TMEM132B: variants seen among roughly 807,000 people sequenced by gnomAD.
The protein encoded by TMEM132B is transmembrane protein 132B.
In TMEM132B, 18 loss-of-function variants were observed where a neutral mutation model predicts 90.8. That is an observed-to-expected ratio of 0.20 (90% CI 0.14 to 0.29). The LOEUF (loss-of-function observed/expected upper bound fraction) is 0.29. TMEM132B is among the 10% of genes least tolerant of loss of function. TMEM132B has a pLI of 1.00. For synonymous variants in TMEM132B, 504 were observed against 523.3 expected, an observed-to-expected ratio of 0.96 and a Z score of 0.50; for missense variants, 1,096 against 1,326.8, an observed-to-expected ratio of 0.83 and a Z score of 2.70.
At chr12:125,250,716 A>C (rs749182353) in intron 1 of TMEM132B, among the ~76,000 whole-genome samples, 1 of 152,092 alleles carries the variant, frequency 6.6e-6, no homozygotes, top group Non-Finnish European at 1.5e-5. Context: ...CAGAAGACCC[A>C]GTGGACTGAG....
intron 2 of TMEM132B, among the ~76,000 whole-genome samples, chr12:125,382,305 G>A (rs975396896): frequency 2.0e-5 from 3 of 152,182 alleles, no homozygotes; most frequent in Admixed American, 6.5e-5. Context: ...AGTCATAGTA[G>A]CATCTCCATT....
Position 125,591,801 on chromosome 12 carries a change from G to A in TMEM132B, c.1437+7807G>A, listed in dbSNP as rs929855565. Among the ~76,000 whole-genome samples the A allele has an allele frequency of 5.9e-5, 9 of 152,150 alleles. No individual in the cohort carries two copies. The East Asian group carries it at 1.7e-3, about 29-fold the overall frequency. On this transcript the variant is annotated intron_variant, in intron 5 of 8. Coordinates refer to ENST00000682704, the MANE Select transcript of TMEM132B (RefSeq NM_001366854.1). ...TGTGGTTGCATGGTCTCACCCCTGT[G>A]TCTCTGTATGACCCTCTTTTCTTAT...
chr12:125,366,645 A>C (rs1159137690), intron 2 of TMEM132B, among the ~76,000 whole-genome samples: 1 of 152,116 alleles, frequency 6.6e-6, no homozygotes, highest in African/African-American at 2.4e-5. Flanking sequence ...AGAGGTATGG[A>C]CTTTTAAATG....
intron 1 of TMEM132B, among the ~76,000 whole-genome samples, chr12:125,215,880 T>C (rs1873427519): frequency 6.6e-6 from 1 of 152,226 alleles, no homozygotes; most frequent in African/African-American, 2.4e-5. Flanking sequence ...TCCACCTGGA[T>C]AACAGAAGGT....
rs1302963976 is a variant in TMEM132B at position 125,588,926 on chromosome 12, A to G, written c.1437+4932A>G. On this transcript the variant is annotated intron_variant, in intron 5 of 8. Coordinates refer to ENST00000682704, the MANE Select transcript of TMEM132B (RefSeq NM_001366854.1). ...TGATAAAAAGCCCAATGTGGAGTTT[A>G]GAGGATGATTAAATAAGAATGTATA... is the stretch of plus-strand genomic sequence containing the variant. 4.6e-5 allele frequency among the ~76,000 whole-genome samples: 7 copies of G among 152,350 alleles called. No homozygotes were observed. In the East Asian group the frequency reaches 1.3e-3, roughly 29 times the overall value.
intron 2 of TMEM132B, among the ~76,000 whole-genome samples, chr12:125,403,495 T>A (rs1879378035): frequency 6.6e-6 from 1 of 152,252 alleles, no homozygotes; most frequent in South Asian, 2.1e-4. Flanking sequence ...GATATTGTAA[T>A]TTTTAAATAA....
At chr12:125,352,861 T>A (rs1016012952) in intron 2 of TMEM132B, among the ~76,000 whole-genome samples, 2 of 152,172 alleles carry the variant, frequency 1.3e-5, no homozygotes, top group African/African-American at 4.8e-5. Context: ...CCAAGTAGGT[T>A]TTGTAGCCTG....
At chr12:125,203,785 T>G (rs1399526191) in intron 1 of TMEM132B, among the ~76,000 whole-genome samples, 2 of 152,250 alleles carry the variant, frequency 1.3e-5, no homozygotes, top group Non-Finnish European at 2.9e-5. Flanking sequence ...TTGGCAGACA[T>G]GGATGGAGTA....
Position 125,411,179 on chromosome 12 carries a change from G to A in TMEM132B, c.960-4352G>A. Among the ~76,000 whole-genome samples the A allele has an allele frequency of 1.8e-5, 2 of 111,072 alleles. 1 individual carries two copies. Among genetic ancestry groups the A allele is most frequent in the East Asian group, 6.2e-4 (2 of 3,218 alleles). 72.9% of individuals were successfully genotyped at this position (111,072 alleles called of 152,430 possible). A position where few individuals can be genotyped will look rare whatever the true frequency, so the allele number is the denominator to read the frequency against. On this transcript the variant is annotated intron_variant, in intron 2 of 8. Transcript: ENST00000682704. ...GAGGAGTGGAGTGGAGTGGAGTGGA[G>A]TGAGTGGAGGAGTGGAGTGGAGTGG...
Position 125,236,938 on chromosome 12 carries a change from G to A in TMEM132B, c.67+50072G>A, listed in dbSNP as rs895764093. ...TTGCAGGCAGGATGGTGCGGGAGCA[G>A]GAGTGGAGCAGGAGAGGGAGGAAAG... On this transcript the variant is annotated intron_variant, in intron 1 of 8. Transcript: ENST00000682704. Among the ~76,000 whole-genome samples the A allele has an allele frequency of 2.0e-5, 3 of 152,252 alleles. No homozygotes were observed. The East Asian group carries it at 5.8e-4, about 29-fold the overall frequency.
rs918926920 is a variant in TMEM132B, at chr12:125,484,579, T to A, written c.1107-34860T>A. On this transcript the variant is annotated intron_variant, in intron 3 of 8. Transcript: ENST00000682704. ...CTGGTGAGGCTGTTAATTTGTTATG[T>A]AACCCAGACTCTGGAGCTGTCCTGG... Among the ~76,000 whole-genome samples the A allele has an allele frequency of 4.6e-5, 7 of 152,262 alleles. 1 individual carries two copies. The Middle Eastern group carries it at 0.01, about 223-fold the overall frequency.
At position 125,505,174 on chromosome 12, in the gene TMEM132B, A is replaced by ACAAACAAAC. The variant is rs1274698889; in HGVS notation, c.1107-14265_1107-14264insCAAACAAAC. Among the ~76,000 whole-genome samples, 1,107 of 130,650 alleles carry ACAAACAAAC rather than the reference A, an allele frequency of 8.5e-3. 16 individuals are homozygous for ACAAACAAAC. Among genetic ancestry groups the ACAAACAAAC allele is most frequent in the Middle Eastern group, 0.03 (8 of 268 alleles). The allele number at this position is 130,650 out of a possible 152,430, so 85.7% of individuals were successfully genotyped here. Reference sequence around the variant, plus strand: ...ACTCACACACCAGAGGACAAAAAAAAAAAAAAAAAAAAAAAAAAAAACAGT... The same window carrying ACAAACAAAC: ...ACTCACACACCAGAGGACAAAAAAAACAAACAAACAAAAAAAAAAAAAAAAAAAAACAGT... On this transcript the variant is annotated intron_variant, in intron 3 of 8. Transcript: ENST00000682704.
In TMEM132B at chr12:125,282,271, G is replaced by A. The variant is rs562838961; in HGVS notation, c.68-67181G>A. ...TGCCCCCTGCGATGCTGGATGCCGT[G>A]TGCTGCCTGCCTGCCTCTGTGCCCT... On this transcript the variant is annotated intron_variant, in intron 1 of 8. Coordinates refer to ENST00000682704, the MANE Select transcript of TMEM132B (RefSeq NM_001366854.1). Among the ~76,000 whole-genome samples, 85 of 152,128 alleles carry A rather than the reference G, an allele frequency of 5.6e-4. 1 individual carries two copies. The South Asian group carries it at 0.012, about 21-fold the overall frequency.
intron 3 of TMEM132B, among the ~76,000 whole-genome samples, chr12:125,433,614 C>T (rs1593144905): frequency 2.0e-5 from 3 of 150,130 alleles, no homozygotes; most frequent in East Asian, 2.0e-4. Flanking sequence ...TGGTGAGCTG[C>T]ACCCACTAAC....
At chr12:125,210,907 G>A (rs1204835322) in intron 1 of TMEM132B, among the ~76,000 whole-genome samples, 1 of 152,160 alleles carries the variant, frequency 6.6e-6, no homozygotes, top group African/African-American at 2.4e-5. Context: ...AGGCTGCAGT[G>A]AGCTCTGATG....
chr12:125,571,462 A>G (rs1471707196), intron 4 of TMEM132B, among the ~76,000 whole-genome samples: 4 of 152,214 alleles, frequency 2.6e-5, no homozygotes. Flanking sequence ...AATATGCATT[A>G]TTATTAACAA....
intron 1 of TMEM132B, among the ~76,000 whole-genome samples, chr12:125,278,137 G>A (rs1177986013): frequency 6.6e-6 from 1 of 152,192 alleles, no homozygotes; most frequent in African/African-American, 2.4e-5. Context: ...CAGCCGGTGG[G>A]TCAAATGTGG....
intron 3 of TMEM132B, among the ~76,000 whole-genome samples, chr12:125,506,928 C>T (rs773804842): frequency 1.2e-4 from 19 of 152,214 alleles, no homozygotes; most frequent in Admixed American, 3.3e-4. Context: ...TCAAATATTA[C>T]GTTTGTGTTT....
At chr12:125,586,004 T>C (rs938693713) in intron 5 of TMEM132B, 3 of 152,214 alleles carry the variant, frequency 2.0e-5, no homozygotes, top group Non-Finnish European at 4.4e-5. Context: ...TCAATGTTTG[T>C]AGTAAATTTT....
Sources: allele counts gnomAD v4.1 joint callset (sites outside exome capture counted in the v4.1 genomes callset), GRCh38; gene constraint gnomAD v4.1.1; transcripts MANE v1.5; gene names NCBI Gene and HGNC (gene_info 2026-07-23, HGNC 2026-07-21).